Variants in HTRA1 observed in about 807,000 individuals in gnomAD.
The protein encoded by HTRA1 is serine protease HTRA1.
Under a neutral mutation model 49.7 loss-of-function variants are expected in HTRA1, and 26 were observed. The observed-to-expected ratio is 0.52, with a 90% CI of 0.38 to 0.73. HTRA1 has a LOEUF of 0.73. HTRA1 is among the 30% of genes least tolerant of loss of function. HTRA1 has a pLI of 0.00. For missense variants in HTRA1, 561 were observed against 667.2 expected, an observed-to-expected ratio of 0.84 and a Z score of 1.75; for synonymous variants, 291 against 286.9, an observed-to-expected ratio of 1.01 and a Z score of -0.14.
rs1229476620 is a variant in HTRA1, at chr10:122,464,340, C to T, written c.472+2216C>T. ...ATTGGCCATCGGGCTCACAGCGGGC[C>T]CCCGGTGTACCAGTGAGGGGACAGC... On this transcript the variant is annotated intron_variant, in intron 1 of 8. Transcript: ENST00000368984. The surrounding 1 kb of genome is among the most constrained non-coding windows in gnomAD (Gnocchi z 4.8). 2.6e-5 allele frequency among the ~76,000 whole-genome samples: 4 copies of T among 152,222 alleles called. No homozygotes were observed. The East Asian group carries it at 7.7e-4, about 29-fold the overall frequency.
chr10:122,467,665 C>T (rs778418124), intron 1 of HTRA1, among the ~76,000 whole-genome samples: 14 of 152,100 alleles, frequency 9.2e-5, no homozygotes, highest in South Asian at 4.2e-4. Flanking sequence ...TGAGCTTCCA[C>T]GAGACTCATA....
chr10:122,480,195 T>C (rs2097490365), intron 1 of HTRA1, among the ~76,000 whole-genome samples: 1 of 152,190 alleles, frequency 6.6e-6, no homozygotes, highest in East Asian at 1.9e-4. Context: ...GAAGTGGGCA[T>C]GGAGGCATTA....
At position 122,489,633 on chromosome 10, in the gene HTRA1, G is replaced by A; in HGVS notation, c.777+7G>A. The A allele has an allele frequency of 1.2e-6, 2 of 1,612,678 alleles. No individual in the cohort carries two copies. Among genetic ancestry groups the A allele is most frequent in the Non-Finnish European group, 1.7e-6 (2 of 1,179,682 alleles). ...CATCAAAATTGACCACCAGGTAAGGGTGTTCTCGCCTGCAGAGGTGAGTTC... is the reference window on the plus strand; with the variant it reads ...CATCAAAATTGACCACCAGGTAAGGATGTTCTCGCCTGCAGAGGTGAGTTC... On this transcript the variant is annotated splice_region_variant and intron_variant, in intron 3 of 8. Coordinates refer to ENST00000368984, the MANE Select transcript of HTRA1 (RefSeq NM_002775.5).
rs761008513 is a variant in HTRA1, at chr10:122,461,664, G to T, written c.12G>T (p.Pro4=). The change falls in exon 1 of 9, where the codon CCG becomes CCT. Residue 4 remains proline, a synonymous_variant. Coordinates refer to ENST00000368984, the MANE Select transcript of HTRA1 (RefSeq NM_002775.5). Reference sequence around the variant, plus strand: ...CCGCCAGAGTCGCCATGCAGATCCCGCGCGCCGCTCTTCTCCCGCTGCTGC... The same window carrying T: ...CCGCCAGAGTCGCCATGCAGATCCCTCGCGCCGCTCTTCTCCCGCTGCTGC... MQI[P]RAALLPLLLL... is the part of the protein sequence containing the mutation. 2.4e-4 allele frequency: 310 copies of T among 1,312,120 alleles called. 1 individual carries two copies. Among genetic ancestry groups the T allele is most frequent in the Middle Eastern group, 3.0e-4 (1 of 3,370 alleles). 81.3% of individuals were successfully genotyped at this position (1,312,120 alleles called of 1,614,324 possible). A position where few individuals can be genotyped will look rare whatever the true frequency, so the allele number is the denominator to read the frequency against.
In HTRA1 at chr10:122,488,939, C is replaced by A. The variant is rs1435982659; in HGVS notation, c.510C>A (p.Asn170Lys). The change falls in exon 2 of 9, where the codon AAC becomes AAA. Residue 170 changes from asparagine to lysine, a missense_variant. By Grantham distance (94) the Asn-to-Lys change is moderately conservative (BLOSUM62 0). This residue lies in a region of HTRA1 where 271 missense variants were observed against 410.0 expected (regional missense o/e 0.66). Coordinates refer to ENST00000368984, the MANE Select transcript of HTRA1 (RefSeq NM_002775.5). Reference sequence around the variant, plus strand: ...CCAACAGTTTGCGCCATAAATATAACTTTATCGCGGACGTGGTGGAGAAGA... The same window carrying A: ...CCAACAGTTTGCGCCATAAATATAAATTTATCGCGGACGTGGTGGAGAAGA... ...EDPNSLRHKY[N>K]FIADVVEKIA... is the part of the protein sequence containing the mutation. 7.4e-6 allele frequency: 12 copies of A among 1,614,038 alleles called. No homozygotes were observed. Among genetic ancestry groups the A allele is most frequent in the Non-Finnish European group, 1.0e-5 (12 of 1,180,002 alleles).
Position 122,461,984 on chromosome 10 carries a change from T to G in HTRA1, c.332T>G (p.Val111Gly), listed in dbSNP as rs766763579. The change falls in exon 1 of 9, where the codon GTG becomes GGG. Residue 111 changes from valine to glycine, a missense_variant. Val to Gly is a moderately radical substitution (Grantham distance 109, BLOSUM62 -3). Coordinates refer to ENST00000368984, the MANE Select transcript of HTRA1 (RefSeq NM_002775.5). ...VRRRAQAGLCVCASSEPVCGS... is the reference protein window; with the variant it reads ...VRRRAQAGLCGCASSEPVCGS... ...CGGCGCGCGCAGGCCGGCCTCTGTGTGTGCGCCAGCAGCGAGCCGGTGTGC... is the reference window on the plus strand; with the variant it reads ...CGGCGCGCGCAGGCCGGCCTCTGTGGGTGCGCCAGCAGCGAGCCGGTGTGC... 2 of 1,523,946 alleles carry G rather than the reference T, an allele frequency of 1.3e-6. No individual in the cohort carries two copies. The highest frequency in any genetic ancestry group is 2.4e-5 in the South Asian group (2 of 83,042). 94.4% of individuals were successfully genotyped at this position (1,523,946 alleles called of 1,614,324 possible).
rs1239302617 is a variant in HTRA1 at position 122,461,781 on chromosome 10, G to A, written c.129G>A (p.Pro43=). 2.9e-6 allele frequency: 3 copies of A among 1,049,486 alleles called. No homozygotes were observed. The highest frequency in any genetic ancestry group is 7.6e-5 in the East Asian group (1 of 13,196). 65.0% of individuals were successfully genotyped at this position (1,049,486 alleles called of 1,614,324 possible). A position where few individuals can be genotyped will look rare whatever the true frequency, so the allele number is the denominator to read the frequency against. The change falls in exon 1 of 9, where the codon CCG becomes CCA. Residue 43 remains proline (P), a synonymous_variant. Coordinates refer to ENST00000368984, the MANE Select transcript of HTRA1 (RefSeq NM_002775.5). The part of the protein sequence containing the change: ...LAAGCPDRCE[P]ARCPPQPEHC... Reference sequence around the variant, plus strand: ...CCGGGTGCCCAGACCGCTGCGAGCCGGCGCGCTGCCCGCCGCAGCCGGAGC... The same window carrying A: ...CCGGGTGCCCAGACCGCTGCGAGCCAGCGCGCTGCCCGCCGCAGCCGGAGC...
Position 122,462,105 on chromosome 10 carries a change from G to A in HTRA1, c.453G>A (p.Gln151=), listed in dbSNP as rs1366933534. The change falls in exon 1 of 9, where the codon CAG becomes CAA. Residue 151 remains glutamine (Q), a synonymous_variant. Coordinates refer to ENST00000368984, the MANE Select transcript of HTRA1 (RefSeq NM_002775.5). ...RLHRPPVIVL[Q]RGACGQGQED... Reference sequence around the variant, plus strand: ...ACCGGCCGCCGGTCATCGTCCTGCAGCGCGGAGCCTGCGGCCAAGGTACTC... The same window carrying A: ...ACCGGCCGCCGGTCATCGTCCTGCAACGCGGAGCCTGCGGCCAAGGTACTC... The A allele has an allele frequency of 2.0e-6, 3 of 1,533,810 alleles. No individual in the cohort carries two copies. The highest frequency in any genetic ancestry group is 2.4e-5 in the East Asian group (1 of 40,868).
intron 1 of HTRA1, among the ~76,000 whole-genome samples, chr10:122,465,585 C>T (rs1332336286): frequency 6.6e-6 from 1 of 152,168 alleles, no homozygotes; most frequent in Admixed American, 6.6e-5. Context: ...TAAGCCCCAG[C>T]TAATAGCTGA....
At chr10:122,513,342 C>T (rs1420117650) in intron 8 of HTRA1, among the ~76,000 whole-genome samples, 4 of 152,250 alleles carry the variant, frequency 2.6e-5, no homozygotes, top group Non-Finnish European at 5.9e-5. Context: ...TAGTGGCCAA[C>T]TATCTGGCAG....
chr10:122,482,419 C>T (rs1246818551), intron 1 of HTRA1, among the ~76,000 whole-genome samples: 2 of 152,274 alleles, frequency 1.3e-5, no homozygotes, highest in Admixed American at 6.5e-5. Flanking sequence ...AGGTGTCTAA[C>T]AGTGATCAAG....
intron 3 of HTRA1, among the ~76,000 whole-genome samples, chr10:122,501,399 A>G (rs1434056781): frequency 6.6e-6 from 1 of 152,310 alleles, no homozygotes; most frequent in East Asian, 1.9e-4. Context: ...ACAAACAAAC[A>G]AAAATGTGCA....
intron 3 of HTRA1, among the ~76,000 whole-genome samples, chr10:122,496,264 A>T (rs2097498736): frequency 3.2e-5 from 1 of 31,738 alleles, no homozygotes; most frequent in Non-Finnish European, 6.0e-5. Flanking sequence ...TTTTTTGCAG[A>T]GATGAAGCTT....
At chr10:122,493,014 A>G (rs1360620741) in intron 3 of HTRA1, among the ~76,000 whole-genome samples, 1 of 152,224 alleles carries the variant, frequency 6.6e-6, no homozygotes, top group Non-Finnish European at 1.5e-5. Flanking sequence ...CTCCCCTCAC[A>G]TCTCCAGTGG....
chr10:122,467,190 A>G (rs1474636106), intron 1 of HTRA1, among the ~76,000 whole-genome samples: 2 of 152,176 alleles, frequency 1.3e-5, no homozygotes, highest in Non-Finnish European at 2.9e-5. Context: ...TTATATTTCA[A>G]GTGAATAAAT....
chr10:122,472,256 A>G (rs1426406178), intron 1 of HTRA1, among the ~76,000 whole-genome samples: 2 of 151,860 alleles, frequency 1.3e-5, no homozygotes, highest in African/African-American at 4.8e-5. Context: ...TTGATGACAT[A>G]TTGTACTATC....
intron 1 of HTRA1, among the ~76,000 whole-genome samples, chr10:122,472,369 C>CTATTATTATTAT (rs56115456): frequency 2.8e-5 from 4 of 141,820 alleles, no homozygotes; most frequent in Non-Finnish European, 4.6e-5. Flanking sequence ...TTCTTTATTA[C>CTATTATTATTAT]TATTATTATT....
chr10:122,464,232 G>A lies in HTRA1; in HGVS notation c.472+2108G>A, dbSNP rs149758239. ...CTGAGTTGCTGGCACCATGCGAGCC[G>A]CCTAATTTATTGCTAGTGAGGCAAG... On this transcript the variant is annotated intron_variant, in intron 1 of 8. Coordinates refer to ENST00000368984, the MANE Select transcript of HTRA1 (RefSeq NM_002775.5). This position sits in a 1 kb window ranked among gnomAD's most constrained non-coding sequence, Gnocchi z 4.8. Among the ~76,000 whole-genome samples, 37 of 152,288 alleles carry A rather than the reference G, an allele frequency of 2.4e-4. 1 individual carries two copies. In the East Asian group the frequency reaches 6.2e-3, roughly 25 times the overall value.
chr10:122,501,706 G>A (rs1227620528), intron 3 of HTRA1, among the ~76,000 whole-genome samples: 1 of 152,208 alleles, frequency 6.6e-6, no homozygotes, highest in Non-Finnish European at 1.5e-5. Flanking sequence ...CCTACGAGGA[G>A]GAGGGTGCCA....
Sources: gnomAD v4.1 joint callset for allele counts (sites outside exome capture counted in the v4.1 genomes callset) on GRCh38, gnomAD v4.1.1 for gene constraint, gnomAD v4.1.1 regional missense constraint, Gnocchi (gnomAD v3.1) non-coding constraint, MANE v1.5 for transcripts, NCBI Gene and HGNC (gene_info 2026-07-23, HGNC 2026-07-21) for gene names.